INPPL1: variants seen among roughly 807,000 people sequenced by gnomAD.
INPPL1 encodes phosphatidylinositol 3,4,5-trisphosphate 5-phosphatase 2.
A neutral mutation model predicts 139.3 loss-of-function variants in INPPL1; 91 were observed. That is an observed-to-expected ratio of 0.65 (90% CI 0.55 to 0.78). The LOEUF (loss-of-function observed/expected upper bound fraction) is 0.78, where lower values mean the gene tolerates loss of function less well. INPPL1 is among the 30% of genes least tolerant of loss of function. The probability of loss-of-function intolerance (pLI) is 0.00; values close to 1 mark genes in which losing one functional copy is unlikely to be tolerated. For missense variants in INPPL1, 1,411 were observed against 1,665.6 expected (o/e 0.85, Z 2.66); for synonymous variants, 719 against 686.6 (o/e 1.05, Z -0.74).
Position 72,235,105 on chromosome 11 carries a change from C to A in INPPL1, c.2416-11C>A. ...GGGCTTTGTTCCTCACTGGGCCTCC[C>A]TGCTTCCCAGCTCAAACCAATTCTG... is the stretch of plus-strand genomic sequence containing the variant. On this transcript the variant is annotated splice_polypyrimidine_tract_variant and intron_variant, in intron 21 of 27. Coordinates refer to ENST00000298229, the MANE Select transcript of INPPL1 (RefSeq NM_001567.4). The surrounding 1 kb of genome is among the most constrained non-coding windows in gnomAD (Gnocchi z 4.9). 2 of 1,612,670 alleles carry A rather than the reference C, an allele frequency of 1.2e-6. No individual in the cohort carries two copies. Among genetic ancestry groups the A allele is most frequent in the South Asian group, 2.2e-5 (2 of 90,962 alleles).
Position 72,237,195 on chromosome 11 carries a change from C to T in INPPL1, c.2951C>T (p.Pro984Leu), listed in dbSNP as rs1010578932. 1.2e-6 allele frequency: 2 copies of T among 1,613,964 alleles called. No individual in the cohort carries two copies. Among genetic ancestry groups the T allele is most frequent in the Non-Finnish European group, 1.7e-6 (2 of 1,179,928 alleles). The part of the protein sequence containing the change: ...APPPKNSFNN[P>L]AYYVLEGVPH... Reference sequence around the variant, plus strand: ...CCACCCAAGAACAGCTTCAATAACCCTGCCTACTACGTCCTTGAAGGGGTC... The same window carrying T: ...CCACCCAAGAACAGCTTCAATAACCTTGCCTACTACGTCCTTGAAGGGGTC... The change falls in exon 26 of 28, where the codon CCT (proline) becomes CTT (leucine). Residue 984 changes from proline to leucine, a missense_variant. By Grantham distance (98) the Pro-to-Leu change is moderately conservative. Around this residue, in one of 5 missense-constraint regions of INPPL1, gnomAD observed 438 missense variants for 425.7 expected, o/e 1.03. Transcript: ENST00000298229.
rs780875030 is a variant in INPPL1, at chr11:72,232,706, G to A, written c.1793G>A (p.Arg598His). The A allele has an allele frequency of 7.4e-6, 12 of 1,613,714 alleles. No individual in the cohort carries two copies. The highest frequency in any genetic ancestry group is 2.2e-5 in the East Asian group (1 of 44,872). Reference sequence around the variant, plus strand: ...CTCAATGCCTTTGACATCTCTCTGCGTTTCACACACCTCTTCTGGTTTGGG... The same window carrying A: ...CTCAATGCCTTTGACATCTCTCTGCATTTCACACACCTCTTCTGGTTTGGG... The part of the protein sequence containing the change: ...RQLNAFDISL[R>H]FTHLFWFGDL... Residue 598 changes from arginine to histidine, a missense_variant, in exon 15 of 28, where the codon CGT becomes CAT. Transcript: ENST00000298229.
Position 72,235,030 on chromosome 11 carries a change from AT to A in INPPL1, c.2416-84del. The A allele has an allele frequency of 2.8e-6, 3 of 1,060,570 alleles. No individual in the cohort carries two copies. Among genetic ancestry groups the A allele is most frequent in the Middle Eastern group, 2.5e-4 (1 of 3,946 alleles). The allele number at this position is 1,060,570 out of a possible 1,614,324, so 65.7% of individuals were successfully genotyped here. A position where few individuals can be genotyped will look rare whatever the true frequency, so the allele number is the denominator to read the frequency against. On this transcript the variant is annotated intron_variant, in intron 21 of 27. Coordinates refer to ENST00000298229, the MANE Select transcript of INPPL1 (RefSeq NM_001567.4). This position sits in a 1 kb window ranked among gnomAD's most constrained non-coding sequence, Gnocchi z 4.9. ...GAGCACAGATGACCTGAGGGTGGGG[AT>A]TGAGTGGTGTCAGGGGGCAGCGCGT... is the stretch of plus-strand genomic sequence containing the variant.
chr11:72,234,311 T>C lies in INPPL1; in HGVS notation c.2243T>C (p.Ile748Thr). 1.2e-6 allele frequency: 2 copies of C among 1,613,942 alleles called. No homozygotes were observed. Among genetic ancestry groups the C allele is most frequent in the Non-Finnish European group, 8.5e-7 (1 of 1,179,860 alleles). The change falls in exon 20 of 28, where the codon ATT becomes ACT. Residue 748 changes from isoleucine to threonine, a missense_variant. Transcript: ENST00000298229. This position sits in a 1 kb window ranked among gnomAD's most constrained non-coding sequence, Gnocchi z 4.2. ...TCAAAGACTTCAGACCAGGCCTACATTGAGTTTGAGAGCATCGAGGCCATT... is the reference window on the plus strand; with the variant it reads ...TCAAAGACTTCAGACCAGGCCTACACTGAGTTTGAGAGCATCGAGGCCATT... The part of the protein sequence containing the change: ...GLSKTSDQAY[I>T]EFESIEAIVK...
Position 72,233,183 on chromosome 11 carries a change from T to G in INPPL1, c.2040+20T>G, listed in dbSNP as rs751035322. 3 of 1,607,720 alleles carry G rather than the reference T, an allele frequency of 1.9e-6. No homozygotes were observed. The Admixed American group carries it at 5.0e-5, about 27-fold the overall frequency. The stretch of plus-strand genomic sequence containing the variant: ...ACTGGGGTGAGCCAAGAAAACGGCA[T>G]GGGCCTTGGGGGACCGCAGGCCTGC... On this transcript the variant is annotated intron_variant, in intron 17 of 27. Transcript: ENST00000298229.
At chr11:72,226,756 A>G (rs978503510) in intron 1 of INPPL1, among the ~76,000 whole-genome samples, 3 of 152,132 alleles carry the variant, frequency 2.0e-5, no homozygotes, top group Admixed American at 2.0e-4. Flanking sequence ...GAATATCCCC[A>G]AGTCCTGCTT....
rs1948837416 is a variant in INPPL1, at chr11:72,231,631, A to G, written c.1615+16A>G. 2.5e-6 allele frequency: 4 copies of G among 1,569,082 alleles called. No individual in the cohort carries two copies. The highest frequency in any genetic ancestry group is 3.5e-6 in the Non-Finnish European group (4 of 1,140,290). ...AACACCCTGGGTAAGTGGGGCTGGC[A>G]GGTGCCCAAGAGTGGCAGCGTCTCT... On this transcript the variant is annotated intron_variant, in intron 13 of 27. Transcript: ENST00000298229.
chr11:72,230,996 G>T lies in INPPL1; in HGVS notation c.1304G>T (p.Ser435Ile), dbSNP rs764949154. 1.2e-6 allele frequency: 2 copies of T among 1,613,380 alleles called. No individual in the cohort carries two copies. The highest frequency in any genetic ancestry group is 1.7e-6 in the Non-Finnish European group (2 of 1,179,576). Reference sequence around the variant, plus strand: ...ACCTCACCCCCTTCACCTCCAGGAAGTGTACCACCTCCAAAAAACGTGACA... The same window carrying T: ...ACCTCACCCCCTTCACCTCCAGGAATTGTACCACCTCCAAAAAACGTGACA... ...SVFIGTWNMG[S>I]VPPPKNVTSW... Residue 435 changes from serine (S) to isoleucine (I), a missense_variant, in exon 12 of 28, where the codon AGT becomes ATT. Physicochemically the swap from Ser to Ile is moderately radical, Grantham distance 142. Coordinates refer to ENST00000298229, the MANE Select transcript of INPPL1 (RefSeq NM_001567.4).
Position 72,228,574 on chromosome 11 carries a change from A to T in INPPL1, c.397+76A>T. The T allele has an allele frequency of 6.6e-7, 1 of 1,525,662 alleles. No homozygotes were observed. The highest frequency in any genetic ancestry group is 1.6e-5 in the African/African-American group (1 of 64,396). 94.5% of individuals were successfully genotyped at this position (1,525,662 alleles called of 1,614,324 possible). ...CTGCCTCTTCCCATCCCCCCTTCTC[A>T]ACCCCACCTCTCCTGTAACCCCCTT... On this transcript the variant is annotated intron_variant, in intron 3 of 27. Coordinates refer to ENST00000298229, the MANE Select transcript of INPPL1 (RefSeq NM_001567.4). This position sits in a 1 kb window ranked among gnomAD's most constrained non-coding sequence, Gnocchi z 5.0.
chr11:72,232,263 T>C lies in INPPL1; in HGVS notation c.1639T>C (p.Ser547Pro). ...TLGNKGAVGV[S>P]FMFNGTSFGF... is the part of the protein sequence containing the mutation. ...AGGGAACAAGGGGGCTGTGGGCGTC[T>C]CCTTCATGTTTAATGGCACCTCATT... Residue 547 changes from serine to proline, a missense_variant, in exon 14 of 28, where the codon TCC becomes CCC. Ser to Pro is a moderately conservative substitution (Grantham distance 74). Around this residue, in one of 5 missense-constraint regions of INPPL1, gnomAD observed 363 missense variants for 446.2 expected, o/e 0.81. Transcript: ENST00000298229. 1.9e-6 allele frequency: 3 copies of C among 1,557,226 alleles called. No homozygotes were observed. The highest frequency in any genetic ancestry group is 2.6e-6 in the Non-Finnish European group (3 of 1,149,634).
chr11:72,230,484 G>A lies in INPPL1; in HGVS notation c.1197+16G>A. On this transcript the variant is annotated intron_variant, in intron 10 of 27. Coordinates refer to ENST00000298229, the MANE Select transcript of INPPL1 (RefSeq NM_001567.4). ...CAGTGCCCGGGTGAGCAGCAGGCTG[G>A]GCCAGGCCACTGGGGACTGCGGGGG... 1 of 1,612,260 alleles carries A rather than the reference G, an allele frequency of 6.2e-7. No individual in the cohort carries two copies. Among genetic ancestry groups the A allele is most frequent in the East Asian group, 2.2e-5 (1 of 44,870 alleles).
At chr11:72,233,368 G>A in intron 17 of INPPL1, 73 bp from the exon 18 acceptor site, 1 of 1,316,384 alleles carries the variant, frequency 7.6e-7, no homozygotes, top group Non-Finnish European at 1.1e-6. Context: ...GGACTCATCA[G>A]CTCTGGAGTG....
At position 72,235,005 on chromosome 11, in the gene INPPL1, G is replaced by T; in HGVS notation, c.2416-111G>T. On this transcript the variant is annotated intron_variant, in intron 21 of 27. Coordinates refer to ENST00000298229, the MANE Select transcript of INPPL1 (RefSeq NM_001567.4). This position sits in a 1 kb window ranked among gnomAD's most constrained non-coding sequence, Gnocchi z 4.9. ...CTTCTCTGAAGAGTTGAGTGTGAGTGAGCACAGATGACCTGAGGGTGGGGA... is the reference window on the plus strand; with the variant it reads ...CTTCTCTGAAGAGTTGAGTGTGAGTTAGCACAGATGACCTGAGGGTGGGGA... 1 of 847,106 alleles carries T rather than the reference G, an allele frequency of 1.2e-6. No homozygotes were observed. The highest frequency in any genetic ancestry group is 1.6e-5 in the South Asian group (1 of 62,074). The allele number at this position is 847,106 out of a possible 1,614,324, so 52.5% of individuals were successfully genotyped here.
rs1949033881 is a variant in INPPL1, at chr11:72,237,734, C to CGG, written c.3491_3492dup (p.Pro1165GlyfsTer38). On this transcript the variant is annotated frameshift_variant, in exon 26 of 28. Transcript: ENST00000298229. LOFTEE classifies it high-confidence loss of function. ...CCGGGGACTGCCCTCGGACTATGGCCGGCCCCTCAGCTTCCCTCCACCCCG... is the reference window on the plus strand; with the variant it reads ...CCGGGGACTGCCCTCGGACTATGGCCGGGGCCCCTCAGCTTCCCTCCACCCCG... 6.2e-7 allele frequency: 1 copy of CGG among 1,611,402 alleles called. No homozygotes were observed. The highest frequency in any genetic ancestry group is 1.7e-5 in the Admixed American group (1 of 59,806).
chr11:72,234,509 C>T lies in INPPL1; in HGVS notation c.2327-18C>T. 6.3e-7 allele frequency: 1 copy of T among 1,591,550 alleles called. No homozygotes were observed. Among genetic ancestry groups the T allele is most frequent in the Non-Finnish European group, 8.6e-7 (1 of 1,159,618 alleles). On this transcript the variant is annotated intron_variant, in intron 20 of 27. Transcript: ENST00000298229. The surrounding 1 kb of genome is among the most constrained non-coding windows in gnomAD (Gnocchi z 4.2). ...TGAGAGGTGGTGCTCAGTTGGGTGT[C>T]TCCCACCCCCACCCCAGAATACAAG...
chr11:72,226,935 G>A lies in INPPL1; in HGVS notation c.183-1255G>A, dbSNP rs566412342. Among the ~76,000 whole-genome samples the A allele has an allele frequency of 3.9e-5, 6 of 152,254 alleles. No individual in the cohort carries two copies. In the South Asian group the frequency reaches 1.2e-3, roughly 32 times the overall value. Reference sequence around the variant, plus strand: ...CATTGCCAAGGGAGGCTGTGAATGGGGTGAGGGGTCTGTCTGTGAGTGGGG... The same window carrying A: ...CATTGCCAAGGGAGGCTGTGAATGGAGTGAGGGGTCTGTCTGTGAGTGGGG... On this transcript the variant is annotated intron_variant, in intron 1 of 27. Transcript: ENST00000298229.
At position 72,229,654 on chromosome 11, in the gene INPPL1, T is replaced by TC; in HGVS notation, c.754-3dup. ...ACTCATGTACAAGCCTGGTTCTTCC[T>TC]CCCCCCAGAACCTGCCACAGACAGG... On this transcript the variant is annotated splice_polypyrimidine_tract_variant and intron_variant, in intron 6 of 27. Coordinates refer to ENST00000298229, the MANE Select transcript of INPPL1 (RefSeq NM_001567.4). 1.8e-5 allele frequency: 29 copies of TC among 1,613,022 alleles called. No homozygotes were observed. Among genetic ancestry groups the TC allele is most frequent in the Non-Finnish European group, 2.4e-5 (28 of 1,179,516 alleles).
At chr11:72,231,449 C>T in intron 12 of INPPL1, 49 bp from the exon 13 acceptor site, 1 of 1,384,804 alleles carries the variant, frequency 7.2e-7, no homozygotes, top group Non-Finnish European at 1.0e-6. Flanking sequence ...GGGGGAAATG[C>T]AGGCAGTGGG....
At chr11:72,233,876 C>T in intron 19 of INPPL1, 132 bp downstream of exon 19, 1 of 732,426 alleles carries the variant, frequency 1.4e-6, no homozygotes, top group Non-Finnish European at 2.4e-6. Context: ...AGGAGTGTTT[C>T]TCAAGGTGTG....
Sources: allele counts gnomAD v4.1 joint callset (sites outside exome capture counted in the v4.1 genomes callset), GRCh38; gene constraint gnomAD v4.1.1; regional missense constraint gnomAD v4.1.1; non-coding constraint Gnocchi (gnomAD v3.1); transcripts MANE v1.5; gene names NCBI Gene and HGNC (gene_info 2026-07-23, HGNC 2026-07-21).